SLC38A8: variants seen among roughly 807,000 people sequenced by gnomAD.
SLC38A8 encodes amino acid transporter SLC38A8.
SLC38A8 carries 65 observed loss-of-function variants against 46.0 expected under a neutral mutation model. The ratio of observed to expected loss-of-function variants is 1.41; its 90% CI spans 1.16 to 1.74. The LOEUF (loss-of-function observed/expected upper bound fraction) is 1.74, where lower values mean the gene tolerates loss of function less well. Ranked by LOEUF, SLC38A8 falls within the 40% of genes most tolerant of loss-of-function variation. SLC38A8 has a pLI of 0.00. For missense variants in SLC38A8, 998 were observed against 567.9 expected (o/e 1.76, Z -7.70); for synonymous variants, 447 against 243.7 (o/e 1.83, Z -7.77).
In SLC38A8 at chr16:84,042,128, G is replaced by C; in HGVS notation, c.30C>G (p.Gly10=). ...TGGCAGGGTGAGGCTTTTCTGGAAGGCCCCTGCTTCCTGGGGTCTGTCCCT... is the reference window on the plus strand; with the variant it reads ...TGGCAGGGTGAGGCTTTTCTGGAAGCCCCCTGCTTCCTGGGGTCTGTCCCT... MEGQTPGSR[G]LPEKPHPATA... is the part of the protein sequence containing the mutation. The change falls in exon 2 of 11, where the codon GGC becomes GGG. Residue 10 remains glycine (G), a synonymous_variant. Transcript: ENST00000299709. The C allele has an allele frequency of 6.2e-7, 1 of 1,613,442 alleles. No individual in the cohort carries two copies. Among genetic ancestry groups the C allele is most frequent in the Non-Finnish European group, 8.5e-7 (1 of 1,179,752 alleles).
chr16:84,023,610 G>T (rs552040668), intron 6 of SLC38A8, among the ~76,000 whole-genome samples: 1 of 152,266 alleles, frequency 6.6e-6, no homozygotes, highest in African/African-American at 2.4e-5. Context: ...AAGCCACATA[G>T]GTGCCGGGCA....
intron 6 of SLC38A8, among the ~76,000 whole-genome samples, chr16:84,025,872 G>A (rs1049520893): frequency 6.6e-6 from 1 of 152,228 alleles, no homozygotes; most frequent in East Asian, 1.9e-4. Context: ...TCTGGCCCCA[G>A]GTTTCCTGTC....
intron 10 of SLC38A8, among the ~76,000 whole-genome samples, chr16:84,010,977 G>A (rs111323080): frequency 2.7e-3 from 406 of 152,270 alleles, no homozygotes; most frequent in Admixed American, 5.1e-3. Context: ...ACCAGAGATG[G>A]GGTAGACAAG....
chr16:84,017,405 G>T, intron 7 of SLC38A8, 118 bp from the exon 8 acceptor site: 16 of 1,177,558 alleles, frequency 1.4e-5, no homozygotes, highest in Non-Finnish European at 1.9e-5. Context: ...GGAGCTGAAA[G>T]AAGGTTCTGG....
intron 10 of SLC38A8, among the ~76,000 whole-genome samples, chr16:84,010,361 G>A (rs900061700): frequency 1.3e-5 from 2 of 152,002 alleles, no homozygotes; most frequent in East Asian, 1.9e-4. Flanking sequence ...GCAAGCCACC[G>A]TTGCTGGCCG....
chr16:84,031,619 CGCCGCA>C (rs1221874281), intron 5 of SLC38A8, among the ~76,000 whole-genome samples: 3 of 152,252 alleles, frequency 2.0e-5, no homozygotes, highest in African/African-American at 7.2e-5. Context: ...ACCCCTAGGC[CGCCGCA>C]GCCTTTGGCG....
At chr16:84,013,183 C>A in intron 9 of SLC38A8, 131 bp from the exon 10 acceptor site, 2 of 946,020 alleles carry the variant, frequency 2.1e-6, no homozygotes, top group East Asian at 2.5e-5. Flanking sequence ...TGGCTCAGGC[C>A]CCCTGGAGAG....
rs764364848 is a variant in SLC38A8 at position 84,016,624 on chromosome 16, G to A, written c.1057C>T (p.Leu353=). The change falls in exon 9 of 11, where the codon CTG becomes TTG. Residue 353 remains leucine (L), a synonymous_variant. Transcript: ENST00000299709. ...ATGGCGAGCGTCACGGTGACCCACA[G>A]GATGGTCAGCGGCATCCGGACCCAC... ...GLWVRMPLTI[L]WVTVTLAMAL... 65 of 1,613,820 alleles carry A rather than the reference G, an allele frequency of 4.0e-5. No homozygotes were observed. The highest frequency in any genetic ancestry group is 5.2e-5 in the Non-Finnish European group (61 of 1,180,046).
rs1345898527 is a variant in SLC38A8 at position 84,016,761 on chromosome 16, T to C, written c.954-34A>G. 2.5e-6 allele frequency: 4 copies of C among 1,595,016 alleles called. No individual in the cohort carries two copies. The Admixed American group carries it at 5.1e-5, about 20-fold the overall frequency. ...CACAGCCAACACAGACACATGGGCA[T>C]CTCAGGGGCACCAGCCTCCACCCGA... On this transcript the variant is annotated intron_variant, in intron 8 of 10. Transcript: ENST00000299709.
intron 7 of SLC38A8, among the ~76,000 whole-genome samples, chr16:84,021,923 G>C (rs1597258318): frequency 6.6e-6 from 1 of 152,242 alleles, no homozygotes; most frequent in African/African-American, 2.4e-5. Flanking sequence ...GGGGCTGAGT[G>C]TGTGAGCCCA....
intron 9 of SLC38A8, among the ~76,000 whole-genome samples, chr16:84,013,431 T>TG (rs1156899687): frequency 8.2e-6 from 1 of 122,676 alleles, no homozygotes; most frequent in Admixed American, 7.8e-5. Context: ...TGTGTTTTTT[T>TG]TTTTTTTTTT....
At chr16:84,028,625 G>C (rs2085196238) in intron 6 of SLC38A8, among the ~76,000 whole-genome samples, 1 of 150,964 alleles carries the variant, frequency 6.6e-6, no homozygotes, top group African/African-American at 2.4e-5. Context: ...CCTGCTAGGA[G>C]GGCTGCGGGA....
Position 84,030,393 on chromosome 16 carries a change from G to A in SLC38A8, c.633-842C>T, listed in dbSNP as rs1039859660. On this transcript the variant is annotated intron_variant, in intron 5 of 10. Transcript: ENST00000299709. The stretch of plus-strand genomic sequence containing the variant: ...GACCTGCCTGTGCTAGAGTACCACC[G>A]GCTCAGTGTACAGATCTCAGCACTC... Among the ~76,000 whole-genome samples, 97 of 152,148 alleles carry A rather than the reference G, an allele frequency of 6.4e-4. 1 individual carries two copies. The highest frequency in any genetic ancestry group is 2.2e-3 in the African/African-American group (91 of 41,486).
rs2085070574 is a variant in SLC38A8 at position 84,019,446 on chromosome 16, T to G, written c.806-2159A>C. Among the ~76,000 whole-genome samples the G allele has an allele frequency of 2.0e-5, 3 of 152,128 alleles. No individual in the cohort carries two copies. In the South Asian group the frequency reaches 6.2e-4, roughly 32 times the overall value. ...GGCAGATGGTGCATCCTTCAACCCT[T>G]CACCACAAATGGATTAATCTGTTTA... is the stretch of plus-strand genomic sequence containing the variant. On this transcript the variant is annotated intron_variant, in intron 7 of 10. Transcript: ENST00000299709.
intron 6 of SLC38A8, among the ~76,000 whole-genome samples, chr16:84,027,413 C>T (rs950904705): frequency 1.4e-4 from 21 of 151,560 alleles, no homozygotes; most frequent in Non-Finnish European, 2.1e-4. Flanking sequence ...CTGGTGTAGC[C>T]GCATTGGCTG....
rs565092285 is a variant in SLC38A8 at position 84,024,695 on chromosome 16, C to T, written c.691-1806G>A. Reference sequence around the variant, plus strand: ...ACTTGGGAGGCTAAGGCAGGAGAGTCGCTCAAGCCTGGGAGGCAGAGTCTC... The same window carrying T: ...ACTTGGGAGGCTAAGGCAGGAGAGTTGCTCAAGCCTGGGAGGCAGAGTCTC... On this transcript the variant is annotated intron_variant, in intron 6 of 10. Transcript: ENST00000299709. 3.2e-4 allele frequency among the ~76,000 whole-genome samples: 48 copies of T among 152,194 alleles called. 1 individual carries two copies. In the South Asian group the frequency reaches 8.9e-3, roughly 28 times the overall value.
intron 10 of SLC38A8, among the ~76,000 whole-genome samples, chr16:84,010,668 C>A (rs1007975886): frequency 6.6e-6 from 1 of 152,096 alleles, no homozygotes; most frequent in African/African-American, 2.4e-5. Context: ...TGCTTGAACC[C>A]GGGAGGCAGA....
rs150177610 is a variant in SLC38A8 at position 84,014,873 on chromosome 16, G to A, written c.1162+1646C>T. ...CTCTGTGGCCCTCAATTCTTCCATCGCCCCCCCACCTCCGGGGTATTGACA... is the reference window on the plus strand; with the variant it reads ...CTCTGTGGCCCTCAATTCTTCCATCACCCCCCCACCTCCGGGGTATTGACA... On this transcript the variant is annotated intron_variant, in intron 9 of 10. Coordinates refer to ENST00000299709, the MANE Select transcript of SLC38A8 (RefSeq NM_001080442.3). Among the ~76,000 whole-genome samples the A allele has an allele frequency of 2.3e-3, 356 of 151,748 alleles. 1 individual carries two copies. The highest frequency in any genetic ancestry group is 8.0e-3 in the African/African-American group (330 of 41,362).
chr16:84,016,761 T>A (rs1345898527), intron 8 of SLC38A8, 34 bp from the exon 9 acceptor site: 1 of 1,595,016 alleles, frequency 6.3e-7, no homozygotes, highest in Non-Finnish European at 8.6e-7. Context: ...CACATGGGCA[T>A]CTCAGGGGCA....
Sources: allele counts gnomAD v4.1 joint callset (sites outside exome capture counted in the v4.1 genomes callset), GRCh38; gene constraint gnomAD v4.1.1; transcripts MANE v1.5; gene names NCBI Gene and HGNC (gene_info 2026-07-23, HGNC 2026-07-21).